The following ITGA1 variants were observed in gnomAD, a reference collection of about 807,000 sequenced individuals.
ITGA1 encodes integrin alpha-1.
Under a neutral mutation model 145.9 loss-of-function variants are expected in ITGA1, and 85 were observed. The observed-to-expected ratio is 0.58, with a 90% CI of 0.49 to 0.70. The LOEUF (loss-of-function observed/expected upper bound fraction) is 0.70. Ranked by LOEUF, ITGA1 falls within the 30% of genes least tolerant of loss-of-function variation. The pLI is 0.00. For synonymous variants in ITGA1, 520 were observed against 495.3 expected (o/e 1.05, Z -0.66); for missense variants, 1,351 against 1,418.7 (o/e 0.95, Z 0.77).
rs13436132 is a variant in ITGA1 at position 52,817,242 on chromosome 5, A to G, written c.61+28828A>G. ...AACAAAAGGGCTGAATACCAGAGGTAGAGAAGGAAGTGTCCCAGGCTTGGT... is the reference window on the plus strand; with the variant it reads ...AACAAAAGGGCTGAATACCAGAGGTGGAGAAGGAAGTGTCCCAGGCTTGGT... On this transcript the variant is annotated intron_variant, in intron 1 of 28. Coordinates refer to ENST00000282588, the MANE Select transcript of ITGA1 (RefSeq NM_181501.2). 6.7e-3 allele frequency among the ~76,000 whole-genome samples: 1,018 copies of G among 152,320 alleles called. 12 individuals are homozygous for G. Among genetic ancestry groups the G allele is most frequent in the African/African-American group, 0.023 (969 of 41,578 alleles).
intron 1 of ITGA1, chr5:52,800,789 C>G (rs368443275): frequency 1.1e-5 from 18 of 1,613,266 alleles, no homozygotes; most frequent in Non-Finnish European, 1.4e-5. Flanking sequence ...TGTGACCCAG[C>G]CTGGAGCGCT....
At position 52,910,133 on chromosome 5, in the gene ITGA1, C is replaced by T. The variant is rs201879718; in HGVS notation, c.1600-29C>T. The T allele has an allele frequency of 1.1e-5, 17 of 1,584,792 alleles. No individual in the cohort carries two copies. The African/African-American group carries it at 1.3e-4, about 13-fold the overall frequency. ...CTCTGCTGTAGTAATGATGGAAATA[C>T]ATAAATATCCTGTTTATCTTTCTTC... is the stretch of plus-strand genomic sequence containing the variant. On this transcript the variant is annotated intron_variant, in intron 13 of 28. Transcript: ENST00000282588.
chr5:52,807,301 AC>A (rs1748602830), intron 1 of ITGA1, among the ~76,000 whole-genome samples: 1 of 150,458 alleles, frequency 6.6e-6, no homozygotes, highest in African/African-American at 2.5e-5. Flanking sequence ...ACCTGTTATA[AC>A]AAAAGTAACT....
intron 1 of ITGA1, among the ~76,000 whole-genome samples, chr5:52,842,849 C>G (rs946873615): frequency 2.0e-5 from 3 of 151,758 alleles, no homozygotes; most frequent in African/African-American, 7.3e-5. Context: ...CTATGCCCAG[C>G]TAATTTTTTT....
At chr5:52,832,244 G>C (rs1749082936) in intron 1 of ITGA1, among the ~76,000 whole-genome samples, 1 of 152,018 alleles carries the variant, frequency 6.6e-6, no homozygotes, top group Non-Finnish European at 1.5e-5. Context: ...TGAGATTAGA[G>C]AGTTCATACT....
intron 26 of ITGA1, among the ~76,000 whole-genome samples, chr5:52,944,550 A>G (rs1423475006): frequency 2.0e-5 from 3 of 152,156 alleles, no homozygotes; most frequent in Non-Finnish European, 4.4e-5. Context: ...CTAGTTAGCC[A>G]TCTTGTCCCC....
At chr5:52,864,392 G>A (rs899620862) in intron 3 of ITGA1, among the ~76,000 whole-genome samples, 7 of 151,984 alleles carry the variant, frequency 4.6e-5, no homozygotes, top group African/African-American at 1.2e-4. Context: ...GCCAAAAATC[G>A]TGTTTCATCA....
intron 6 of ITGA1, among the ~76,000 whole-genome samples, chr5:52,881,503 GT>G (rs1382592803): frequency 2.0e-5 from 3 of 152,140 alleles, no homozygotes; most frequent in Non-Finnish European, 4.4e-5. Context: ...AATTGTTCAT[GT>G]ATTTGAATGA....
chr5:52,823,690 G>A (rs1748914656), intron 1 of ITGA1, among the ~76,000 whole-genome samples: 1 of 152,186 alleles, frequency 6.6e-6, no homozygotes, highest in Admixed American at 6.5e-5. Context: ...TTAGCCTGTG[G>A]TTGGCTTTTA....
intron 26 of ITGA1, among the ~76,000 whole-genome samples, chr5:52,941,244 C>G (rs767926649): frequency 6.6e-6 from 1 of 152,130 alleles, no homozygotes; most frequent in Non-Finnish European, 1.5e-5. Context: ...GAAGATATGA[C>G]CGCACGTGTC....
intron 23 of ITGA1, among the ~76,000 whole-genome samples, chr5:52,935,494 C>CTGCTTACTTAAGAA (rs1210522791): frequency 1.3e-5 from 2 of 152,002 alleles, no homozygotes; most frequent in Non-Finnish European, 2.9e-5. Context: ...AGTAAGAAAC[C>CTGCTTACTTAAGAA]ATAATGCTGC....
At chr5:52,893,275 G>A (rs1310092284) in intron 8 of ITGA1, among the ~76,000 whole-genome samples, 1 of 152,144 alleles carries the variant, frequency 6.6e-6, no homozygotes, top group African/African-American at 2.4e-5. Flanking sequence ...TCAAAAGCAG[G>A]CAACTCACTT....
At chr5:52,875,388 T>A (rs952341451) in intron 6 of ITGA1, among the ~76,000 whole-genome samples, 1 of 152,172 alleles carries the variant, frequency 6.6e-6, no homozygotes, top group African/African-American at 2.4e-5. Flanking sequence ...ACAAACCTCT[T>A]GTTCATGTAA....
At chr5:52,911,841 T>C (rs947974445) in intron 14 of ITGA1, among the ~76,000 whole-genome samples, 1 of 137,998 alleles carries the variant, frequency 7.2e-6, no homozygotes, top group East Asian at 2.1e-4. Context: ...CTATATATGG[T>C]GTATCTATAT....
intron 2 of ITGA1, among the ~76,000 whole-genome samples, chr5:52,858,961 AT>A (rs1221544632): frequency 6.6e-6 from 1 of 152,188 alleles, no homozygotes; most frequent in African/African-American, 2.4e-5. Flanking sequence ...TCCTAACCAT[AT>A]AGCTAAGTGA....
At chr5:52,917,506 A>G (rs183077766) in intron 15 of ITGA1, among the ~76,000 whole-genome samples, 21 of 152,304 alleles carry the variant, frequency 1.4e-4, no homozygotes, top group African/African-American at 4.1e-4. Flanking sequence ...TAAATATCCA[A>G]TGAGATGGGA....
intron 1 of ITGA1, among the ~76,000 whole-genome samples, chr5:52,818,254 T>C (rs1354104653): frequency 6.6e-6 from 1 of 152,220 alleles, no homozygotes; most frequent in Non-Finnish European, 1.5e-5. Flanking sequence ...AATGGTATGG[T>C]TCTCTAACTA....
At chr5:52,931,395 C>T (rs529523959) in intron 21 of ITGA1, 1 of 152,030 alleles carries the variant, frequency 6.6e-6, no homozygotes, top group Non-Finnish European at 1.5e-5. Flanking sequence ...GTTCATTACT[C>T]GTTATATCAT....
At chr5:52,830,936 G>T (rs186825942) in intron 1 of ITGA1, among the ~76,000 whole-genome samples, 1 of 152,224 alleles carries the variant, frequency 6.6e-6, no homozygotes, top group East Asian at 1.9e-4. Context: ...TTATTTTTAT[G>T]TGCATAATGG....
Sources: gnomAD v4.1 joint callset for allele counts (sites outside exome capture counted in the v4.1 genomes callset) on GRCh38, gnomAD v4.1.1 for gene constraint, MANE v1.5 for transcripts, NCBI Gene and HGNC (gene_info 2026-07-23, HGNC 2026-07-21) for gene names.